The following NEGR1 variants were observed in gnomAD, a reference collection of about 807,000 sequenced individuals.
NEGR1 encodes IgLON family member 4.
NEGR1 carries 10 observed loss-of-function variants against 40.9 expected under a neutral mutation model. That is an observed-to-expected ratio of 0.24 (90% CI 0.15 to 0.42). NEGR1 has a LOEUF of 0.42. Among genes scored for constraint, NEGR1 ranks in the 10% least tolerant of loss-of-function variants. The pLI, the probability that NEGR1 is intolerant of heterozygous loss-of-function variation, is 1.00. For missense variants in NEGR1, 352 were observed against 438.9 expected, an observed-to-expected ratio of 0.80 and a Z score of 1.77; for synonymous variants, 185 against 166.8, an observed-to-expected ratio of 1.11 and a Z score of -0.84.
At chr1:71,823,286 C>A (rs1463496240) in intron 2 of NEGR1, among the ~76,000 whole-genome samples, 1 of 148,736 alleles carries the variant, frequency 6.7e-6, no homozygotes, top group Non-Finnish European at 1.5e-5. Flanking sequence ...CTGGAGAAAA[C>A]CAAATCTCCA....
chr1:71,878,970 C>A (rs550575101), intron 2 of NEGR1, among the ~76,000 whole-genome samples: 1 of 151,962 alleles, frequency 6.6e-6, no homozygotes, highest in South Asian at 2.1e-4. Flanking sequence ...CCCGTCTCTA[C>A]TAAAAATATA....
chr1:72,239,967 C>G (rs1005083627), intron 1 of NEGR1, among the ~76,000 whole-genome samples: 4 of 151,714 alleles, frequency 2.6e-5, no homozygotes, highest in African/African-American at 9.7e-5. Flanking sequence ...AAAAACTACA[C>G]AAAACCCCCA....
intron 4 of NEGR1, among the ~76,000 whole-genome samples, chr1:71,669,032 A>G (rs897217506): frequency 6.6e-6 from 1 of 152,100 alleles, no homozygotes; most frequent in South Asian, 2.1e-4. Context: ...CCTTTTACTT[A>G]TATCAATTTA....
intron 5 of NEGR1, among the ~76,000 whole-genome samples, chr1:71,598,401 C>G (rs998814240): frequency 9.9e-5 from 15 of 152,180 alleles, no homozygotes; most frequent in African/African-American, 3.6e-4. Flanking sequence ...AAAAATGATA[C>G]TATCTGGATA....
At chr1:72,120,402 T>C (rs957864357) in intron 1 of NEGR1, among the ~76,000 whole-genome samples, 12 of 152,034 alleles carry the variant, frequency 7.9e-5, no homozygotes, top group Admixed American at 7.9e-4. Flanking sequence ...TGGTACCATG[T>C]ATTCTGTAAA....
At chr1:71,926,332 C>T (rs986182300) in intron 2 of NEGR1, among the ~76,000 whole-genome samples, 6 of 148,078 alleles carry the variant, frequency 4.1e-5, no homozygotes, top group African/African-American at 1.5e-4. Context: ...CACTCTAATT[C>T]AAGCTGAAAA....
chr1:71,913,406 C>T (rs770863477), intron 2 of NEGR1, among the ~76,000 whole-genome samples: 3 of 152,144 alleles, frequency 2.0e-5, no homozygotes, highest in Non-Finnish European at 2.9e-5. Flanking sequence ...TGAGCCACTG[C>T]GCCCAGCCGG....
At chr1:72,109,436 T>C (rs532001339) in intron 1 of NEGR1, among the ~76,000 whole-genome samples, 1 of 151,752 alleles carries the variant, frequency 6.6e-6, no homozygotes, top group South Asian at 2.1e-4. Flanking sequence ...TTTCAAAACC[T>C]ACTGAGATGA....
At chr1:71,625,595 C>A (rs191203020) in intron 4 of NEGR1, among the ~76,000 whole-genome samples, 7 of 151,650 alleles carry the variant, frequency 4.6e-5, no homozygotes, top group Admixed American at 1.3e-4. Flanking sequence ...TTGAGGAGAT[C>A]TAGAACCAAT....
intron 6 of NEGR1, among the ~76,000 whole-genome samples, chr1:71,454,622 A>G (rs1646657796): frequency 1.3e-5 from 2 of 152,174 alleles, no homozygotes; most frequent in African/African-American, 4.8e-5. Context: ...GGTAGAAAAC[A>G]CTCAAGTGGA....
intron 6 of NEGR1, among the ~76,000 whole-genome samples, chr1:71,415,135 T>C (rs888484340): frequency 2.0e-5 from 3 of 152,126 alleles, no homozygotes; most frequent in Non-Finnish European, 4.4e-5. Flanking sequence ...TGGGTTTTTT[T>C]TTTCATTTGA....
intron 1 of NEGR1, among the ~76,000 whole-genome samples, chr1:71,995,712 T>C (rs1366957257): frequency 6.6e-6 from 1 of 152,208 alleles, no homozygotes; most frequent in African/African-American, 2.4e-5. Context: ...TTTCCATGTA[T>C]GAATAATTGT....
intron 2 of NEGR1, among the ~76,000 whole-genome samples, chr1:71,912,659 T>A (rs1392401656): frequency 1.3e-5 from 2 of 152,334 alleles, no homozygotes; most frequent in Admixed American, 6.5e-5. Flanking sequence ...GTCCCTTTTA[T>A]TGCAGATCAT....
chr1:71,441,668 A>G (rs997320535), intron 6 of NEGR1, among the ~76,000 whole-genome samples: 1 of 152,182 alleles, frequency 6.6e-6, no homozygotes, highest in Non-Finnish European at 1.5e-5. Context: ...GTTATCACGT[A>G]TACTAGATTT....
At chr1:72,058,152 A>G (rs1355216281) in intron 1 of NEGR1, among the ~76,000 whole-genome samples, 1 of 151,632 alleles carries the variant, frequency 6.6e-6, no homozygotes, top group Non-Finnish European at 1.5e-5. Flanking sequence ...CTTTCCCTTC[A>G]CATGAAACTT....
At chr1:71,988,261 A>T (rs1646416963) in intron 1 of NEGR1, among the ~76,000 whole-genome samples, 1 of 152,220 alleles carries the variant, frequency 6.6e-6, no homozygotes, top group Non-Finnish European at 1.5e-5. Flanking sequence ...AGAAAAAAGA[A>T]GGTATCATGG....
chr1:71,663,181 T>C (rs1652126109), intron 4 of NEGR1, among the ~76,000 whole-genome samples: 1 of 152,042 alleles, frequency 6.6e-6, no homozygotes, highest in Non-Finnish European at 1.5e-5. Context: ...ATGGTCTCTA[T>C]CTCCTGACCT....
chr1:71,544,830 A>G (rs1327520119), intron 6 of NEGR1, among the ~76,000 whole-genome samples: 1 of 151,674 alleles, frequency 6.6e-6, no homozygotes, highest in Non-Finnish European at 1.5e-5. Context: ...TCCAGTGGAA[A>G]GAATGGAAAC....
intron 3 of NEGR1, among the ~76,000 whole-genome samples, chr1:71,771,301 G>T (rs758777890): frequency 7.2e-5 from 11 of 152,072 alleles, no homozygotes; most frequent in Non-Finnish European, 8.8e-5. Context: ...CCTGTCAGGG[G>T]GTTCGGGGCT....
Sources: gnomAD v4.1 joint callset for allele counts (sites outside exome capture counted in the v4.1 genomes callset) on GRCh38, gnomAD v4.1.1 for gene constraint, MANE v1.5 for transcripts, NCBI Gene and HGNC (gene_info 2026-07-23, HGNC 2026-07-21) for gene names.